NOVA1: variants seen among roughly 807,000 people sequenced by gnomAD.
The protein encoded by NOVA1 is RNA-binding protein Nova-1.
NOVA1 carries 7 observed loss-of-function variants against 38.0 expected under a neutral mutation model. That is an observed-to-expected ratio of 0.18 (90% CI 0.10 to 0.35). The LOEUF is 0.35. Among genes scored for constraint, NOVA1 ranks in the 10% least tolerant of loss-of-function variants. The pLI is 1.00. For synonymous variants in NOVA1, 270 were observed against 232.5 expected, an observed-to-expected ratio of 1.16 and a Z score of -1.47; for missense variants, 460 against 616.0, an observed-to-expected ratio of 0.75 and a Z score of 2.68.
chr14:26,564,546 A>C (rs189615936), intron 2 of NOVA1, among the ~76,000 whole-genome samples: 2 of 152,304 alleles, frequency 1.3e-5, no homozygotes, highest in Admixed American at 1.3e-4. Context: ...AATATTATAC[A>C]GTACTGTTAA....
intron 2 of NOVA1, among the ~76,000 whole-genome samples, chr14:26,591,308 A>T (rs1893829623): frequency 1.3e-5 from 2 of 151,790 alleles, no homozygotes; most frequent in East Asian, 3.9e-4. Context: ...CAACTTTAAG[A>T]TTCAAGGAAA....
At chr14:26,507,283 A>AT (rs1040215369) in intron 2 of NOVA1, among the ~76,000 whole-genome samples, 7 of 151,810 alleles carry the variant, frequency 4.6e-5, no homozygotes, top group African/African-American at 1.5e-4. Context: ...TAAAAAAAAA[A>AT]AATAATGTCA....
intron 2 of NOVA1, chr14:26,594,465 G>A (rs1328379043): frequency 6.6e-6 from 1 of 151,812 alleles, no homozygotes; most frequent in African/African-American, 2.4e-5. Context: ...AAGCAGTATT[G>A]GTTCCCTCAG....
chr14:26,517,343 G>A (rs370623302), intron 2 of NOVA1, among the ~76,000 whole-genome samples: 20 of 151,970 alleles, frequency 1.3e-4, no homozygotes, highest in East Asian at 7.7e-4. Context: ...ACCGCTCCTC[G>A]GACAGGCCTT....
chr14:26,462,438 T>C (rs991723325), intron 4 of NOVA1, among the ~76,000 whole-genome samples: 8 of 151,678 alleles, frequency 5.3e-5, no homozygotes, highest in Non-Finnish European at 1.0e-4. Flanking sequence ...TGATAGTGTT[T>C]CTCAAACATT....
intron 4 of NOVA1, among the ~76,000 whole-genome samples, chr14:26,466,833 C>T (rs1026148725): frequency 3.9e-5 from 6 of 152,098 alleles, no homozygotes; most frequent in Non-Finnish European, 8.8e-5. Context: ...AGCATTCATC[C>T]CCATTTTGTA....
chr14:26,579,823 A>G (rs1893100086), intron 2 of NOVA1, among the ~76,000 whole-genome samples: 1 of 152,170 alleles, frequency 6.6e-6, no homozygotes, highest in Non-Finnish European at 1.5e-5. Flanking sequence ...GGCTGCAAGA[A>G]CATGAGTTAA....
intron 2 of NOVA1, among the ~76,000 whole-genome samples, chr14:26,485,415 G>C (rs1348574039): frequency 6.6e-6 from 1 of 151,908 alleles, no homozygotes; most frequent in African/African-American, 2.4e-5. Context: ...CATTTAAAAA[G>C]GGCACGTGGT....
chr14:26,478,858 G>C (rs1885204926), intron 3 of NOVA1, among the ~76,000 whole-genome samples: 1 of 151,536 alleles, frequency 6.6e-6, no homozygotes, highest in African/African-American at 2.4e-5. Context: ...TAAACATAAA[G>C]GGATTTTTTT....
intron 2 of NOVA1, among the ~76,000 whole-genome samples, chr14:26,505,778 GTTAC>G (rs1887599706): frequency 6.6e-6 from 1 of 152,000 alleles, no homozygotes; most frequent in African/African-American, 2.4e-5. Flanking sequence ...ATAATCATGT[GTTAC>G]TTGAGATTCA....
intron 2 of NOVA1, among the ~76,000 whole-genome samples, chr14:26,578,347 G>A (rs1250464937): frequency 6.0e-5 from 3 of 50,096 alleles, no homozygotes; most frequent in East Asian, 7.8e-4. Flanking sequence ...GGGATAAAAA[G>A]AAACACACTT....
intron 2 of NOVA1, among the ~76,000 whole-genome samples, chr14:26,484,413 G>A (rs1885709260): frequency 8.4e-6 from 1 of 118,360 alleles, no homozygotes; most frequent in South Asian, 2.9e-4. Flanking sequence ...TCCAGCCTGG[G>A]CGAGACTCCG....
intron 3 of NOVA1, among the ~76,000 whole-genome samples, chr14:26,475,497 G>A (rs1884912494): frequency 6.6e-6 from 1 of 152,090 alleles, no homozygotes; most frequent in Non-Finnish European, 1.5e-5. Context: ...ATATTAGTTA[G>A]AACAAAGCAC....
chr14:26,467,293 T>C (rs1297039430), intron 4 of NOVA1, among the ~76,000 whole-genome samples: 1 of 152,158 alleles, frequency 6.6e-6, no homozygotes, highest in Non-Finnish European at 1.5e-5. Context: ...TTTTAACAAA[T>C]ACTGTTGGTA....
chr14:26,597,175 G>T, intron 1 of NOVA1, 126 bp downstream of exon 1: 3 of 1,109,702 alleles, frequency 2.7e-6, no homozygotes, highest in Non-Finnish European at 3.4e-6. Context: ...GGGCCGCCGG[G>T]TTCGGGCTGG....
At chr14:26,476,960 T>C (rs57609600) in intron 3 of NOVA1, among the ~76,000 whole-genome samples, 3,327 of 151,976 alleles carry the variant, frequency 0.022, 215 homozygotes, top group African/African-American at 0.076. Flanking sequence ...GGTGCTCTGC[T>C]CGCCTCAGTC....
intron 2 of NOVA1, among the ~76,000 whole-genome samples, chr14:26,567,617 T>A (rs964023801): frequency 9.9e-5 from 15 of 152,072 alleles, no homozygotes; most frequent in Non-Finnish European, 7.4e-5. Flanking sequence ...TTTAAATAGT[T>A]TGACAGTGGT....
intron 2 of NOVA1, among the ~76,000 whole-genome samples, chr14:26,533,990 GA>G (rs1889901625): frequency 6.6e-6 from 1 of 152,090 alleles, no homozygotes; most frequent in Non-Finnish European, 1.5e-5. Flanking sequence ...AATGCAAAGA[GA>G]ATTTTCATGC....
chr14:26,523,869 G>A (rs1418994174), intron 2 of NOVA1, among the ~76,000 whole-genome samples: 1 of 150,610 alleles, frequency 6.6e-6, no homozygotes, highest in East Asian at 2.0e-4. Context: ...TCCTGCCTCA[G>A]CCTCCTGAGT....
Sources: gnomAD v4.1 joint callset for allele counts (sites outside exome capture counted in the v4.1 genomes callset) on GRCh38, gnomAD v4.1.1 for gene constraint, MANE v1.5 for transcripts, NCBI Gene and HGNC (gene_info 2026-07-23, HGNC 2026-07-21) for gene names.